ZFHX3: variants seen among roughly 807,000 people sequenced by gnomAD.
ZFHX3 encodes the protein zinc finger homeobox 3, also known as zinc finger homeobox protein 3.
In ZFHX3, 42 loss-of-function variants were observed where a neutral mutation model predicts 279.1. The observed-to-expected ratio is 0.15, with a 90% CI of 0.12 to 0.19. The LOEUF is 0.19. ZFHX3 is among the 10% of genes least tolerant of loss of function. The probability of loss-of-function intolerance (pLI) is 1.00; values close to 1 mark genes in which losing one functional copy is unlikely to be tolerated. For synonymous variants in ZFHX3, 2,293 were observed against 1,957.8 expected (o/e 1.17, Z -4.52); for missense variants, 4,981 against 4,754.0 (o/e 1.05, Z -1.40).
chr16:73,727,013 G>T (rs2053524750), intron 1 of ZFHX3, among the ~76,000 whole-genome samples: 1 of 152,170 alleles, frequency 6.6e-6, no homozygotes, highest in Non-Finnish European at 1.5e-5. Context: ...GAGAAGCTCA[G>T]GACTAGAGGT....
chr16:73,534,639 A>C (rs1426875135), intron 2 of ZFHX3, among the ~76,000 whole-genome samples: 1 of 152,194 alleles, frequency 6.6e-6, no homozygotes, highest in Non-Finnish European at 1.5e-5. Context: ...GGTTTGAATG[A>C]TAGGTGTTCT....
At position 73,717,042 on chromosome 16, in the gene ZFHX3, G is replaced by GA. The variant is rs750396413; in HGVS notation, c.-1607-36803dup. On this transcript the variant is annotated intron_variant, in intron 1 of 17. Transcript: ENST00000641206. ...TGAGTGCAAGCGCCATAGAACAGCA[G>GA]AAAAAATAAAAGAAGAAAAGGAAAT... 1.2e-4 allele frequency among the ~76,000 whole-genome samples: 18 copies of GA among 151,908 alleles called. No individual in the cohort carries two copies. The East Asian group carries it at 3.3e-3, about 28-fold the overall frequency.
At chr16:73,025,586 TAG>T (rs1964468577) in intron 1 of ZFHX3, among the ~76,000 whole-genome samples, 1 of 152,162 alleles carries the variant, frequency 6.6e-6, no homozygotes. Flanking sequence ...ATCAGCCCAT[TAG>T]CTTTGGGCTG....
At chr16:73,402,172 C>T (rs2017269318) in intron 3 of ZFHX3, 1 of 152,126 alleles carries the variant, frequency 6.6e-6, no homozygotes, top group Non-Finnish European at 1.5e-5. Context: ...TATTTAAATA[C>T]ATATTAGTTT....
At chr16:72,968,460 CTTT>C (rs56294114) in intron 1 of ZFHX3, among the ~76,000 whole-genome samples, 5,620 of 123,298 alleles carry the variant, frequency 0.046, 136 homozygotes, top group African/African-American at 0.1. Flanking sequence ...TGTTAATTTC[CTTT>C]TTTTTTTTTT....
chr16:73,660,232 G>A (rs550240619), intron 2 of ZFHX3, among the ~76,000 whole-genome samples: 89 of 152,274 alleles, frequency 5.8e-4, no homozygotes, highest in Middle Eastern at 3.4e-3. Flanking sequence ...AAGCTTTTAA[G>A]GATCACAGTC....
intron 2 of ZFHX3, among the ~76,000 whole-genome samples, chr16:73,461,245 TG>T (rs2018465870): frequency 6.6e-6 from 1 of 152,216 alleles, no homozygotes; most frequent in South Asian, 2.1e-4. Flanking sequence ...ATTTTCTAAT[TG>T]GATTGTTTAT....
intron 1 of ZFHX3, among the ~76,000 whole-genome samples, chr16:73,850,185 A>G (rs923629359): frequency 6.6e-6 from 1 of 152,218 alleles, no homozygotes; most frequent in Admixed American, 6.5e-5. Context: ...AGAGCAACAT[A>G]CTTTAGACCG....
At chr16:73,841,295 G>A (rs942248321) in intron 1 of ZFHX3, among the ~76,000 whole-genome samples, 2 of 152,066 alleles carry the variant, frequency 1.3e-5, no homozygotes, top group African/African-American at 4.8e-5. Context: ...CTGGTTGCTG[G>A]GTATCCTGTG....
At chr16:73,854,091 A>C (rs1379170643) in intron 1 of ZFHX3, among the ~76,000 whole-genome samples, 1 of 152,242 alleles carries the variant, frequency 6.6e-6, no homozygotes, top group African/African-American at 2.4e-5. Context: ...TACATATCTG[A>C]GTATATAAGT....
chr16:73,120,373 C>G (rs918413686), intron 7 of ZFHX3, among the ~76,000 whole-genome samples: 4 of 151,562 alleles, frequency 2.6e-5, no homozygotes, highest in Non-Finnish European at 5.9e-5. Context: ...TCAAATGATC[C>G]TCCTGCTTCA....
At chr16:72,861,870 C>T (rs1209134071) in intron 4 of ZFHX3, among the ~76,000 whole-genome samples, 1 of 152,066 alleles carries the variant, frequency 6.6e-6, no homozygotes. Flanking sequence ...CAAAAATTAG[C>T]CGGGTGTGGT....
chr16:73,335,598 G>C (rs755607036), intron 3 of ZFHX3, among the ~76,000 whole-genome samples: 104 of 152,294 alleles, frequency 6.8e-4, no homozygotes, highest in Admixed American at 3.2e-3. Flanking sequence ...TTCATGATCA[G>C]GGTATCAGTC....
intron 5 of ZFHX3, among the ~76,000 whole-genome samples, chr16:73,225,469 G>A (rs1170963653): frequency 2.0e-5 from 3 of 152,070 alleles, no homozygotes; most frequent in Non-Finnish European, 4.4e-5. Context: ...ACACACCCAT[G>A]GTACCAGCTA....
chr16:73,717,902 T>A (rs2729616), intron 1 of ZFHX3, among the ~76,000 whole-genome samples: 3 of 152,316 alleles, frequency 2.0e-5, no homozygotes, highest in Non-Finnish European at 2.9e-5. Context: ...GTGGCTCTGG[T>A]GTAAAGAGCA....
intron 5 of ZFHX3, among the ~76,000 whole-genome samples, chr16:73,192,872 G>A (rs1968073402): frequency 6.6e-6 from 1 of 152,136 alleles, no homozygotes. Flanking sequence ...GGCCCAACAG[G>A]GAAGAGCAAA....
chr16:73,821,808 T>C (rs1335089015), intron 1 of ZFHX3, among the ~76,000 whole-genome samples: 2 of 152,156 alleles, frequency 1.3e-5, no homozygotes, highest in Non-Finnish European at 1.5e-5. Context: ...CTGGGCTCAG[T>C]GGGAAGTCAA....
chr16:73,659,138 G>A (rs1179466871), intron 2 of ZFHX3, among the ~76,000 whole-genome samples: 1 of 152,218 alleles, frequency 6.6e-6, no homozygotes, highest in Non-Finnish European at 1.5e-5. Context: ...GGTTCCCGCA[G>A]TATGCACTTT....
intron 4 of ZFHX3, among the ~76,000 whole-genome samples, chr16:73,316,532 G>A (rs969131997): frequency 6.6e-6 from 1 of 152,156 alleles, no homozygotes; most frequent in Admixed American, 6.5e-5. Flanking sequence ...ATACCTAGTA[G>A]ATACTCTTTG....
Sources: allele counts gnomAD v4.1 joint callset (sites outside exome capture counted in the v4.1 genomes callset), GRCh38; gene constraint gnomAD v4.1.1; transcripts MANE v1.5; gene names NCBI Gene and HGNC (gene_info 2026-07-23, HGNC 2026-07-21).